ANKRD26: variants seen among roughly 807,000 people sequenced by gnomAD.
ANKRD26 encodes ankyrin repeat domain 26.
ANKRD26 carries 141 observed loss-of-function variants against 208.7 expected under a neutral mutation model. The observed-to-expected ratio is 0.68, with a 90% CI of 0.59 to 0.78. ANKRD26 has a LOEUF of 0.78. ANKRD26 is among the 30% of genes least tolerant of loss of function. The probability of loss-of-function intolerance (pLI) is 0.00; values close to 1 mark genes in which losing one functional copy is unlikely to be tolerated. For missense variants in ANKRD26, 1,889 were observed against 1,938.7 expected, an observed-to-expected ratio of 0.97 and a Z score of 0.48; for synonymous variants, 636 against 660.4, an observed-to-expected ratio of 0.96 and a Z score of 0.57.
intron 1 of ANKRD26, among the ~76,000 whole-genome samples, chr10:27,097,928 C>T (rs1195822284): frequency 6.6e-6 from 1 of 152,170 alleles, no homozygotes; most frequent in Non-Finnish European, 1.5e-5. Context: ...GCTGGGATTA[C>T]AGGCCTAAGC....
At position 27,048,857 on chromosome 10, in the gene ANKRD26, CTT is replaced by C; in HGVS notation, c.1756_1757del (p.Lys586GlufsTer5). ...ATTGCTGATGATCAGTTTCTCCACT[CTT>C]TCTTTTTTGAATTAATCCATCATCA... Reference protein sequence around the residue: ...DDDDGLIQKRKSGETDHQQFP... With the variant: ...DDDDGLIQKRXSGETDHQQFP... On this transcript the variant is annotated frameshift_variant, in exon 17 of 34. Transcript: ENST00000376087. LOFTEE classifies it high-confidence loss of function. The C allele has an allele frequency of 6.2e-7, 1 of 1,613,180 alleles. No individual in the cohort carries two copies. Among genetic ancestry groups the C allele is most frequent in the Non-Finnish European group, 8.5e-7 (1 of 1,179,678 alleles).
chr10:26,957,060 T>C, the ANKRD26 span, among the ~76,000 whole-genome samples: 1 of 152,356 alleles, frequency 6.6e-6, no homozygotes, highest in Non-Finnish European at 1.5e-5. Flanking sequence ...ACTCATTCAG[T>C]GCACTTTTGG....
At chr10:26,968,438 AT>A in the ANKRD26 span, among the ~76,000 whole-genome samples, 1 of 152,176 alleles carries the variant, frequency 6.6e-6, no homozygotes, top group East Asian at 1.9e-4. Flanking sequence ...CTCACCCTGA[AT>A]GTGCTACTTG....
In ANKRD26 at chr10:27,013,053, G is replaced by A. The variant is rs371388060; in HGVS notation, c.4782C>T (p.Ser1594=). The part of the protein sequence containing the change: ...NTKLLVEKQQ[S]RSLFTTLTTR... ...TAGTGAGAGTGGTGAACAAAGATCT[G>A]CTCTGCTGTTTTTCCACAAGAAGTT... The change falls in exon 32 of 34, where the codon AGC becomes AGT. Residue 1594 remains serine (S), a synonymous_variant. Transcript: ENST00000376087. The A allele has an allele frequency of 3.1e-6, 5 of 1,613,874 alleles. No homozygotes were observed. Among genetic ancestry groups the A allele is most frequent in the Admixed American group, 3.3e-5 (2 of 59,978 alleles).
At chr10:27,015,731 T>C (rs370263672) in intron 30 of ANKRD26, among the ~76,000 whole-genome samples, 1 of 152,350 alleles carries the variant, frequency 6.6e-6, no homozygotes, top group African/African-American at 2.4e-5. Flanking sequence ...AGTGGCCCAG[T>C]TGAAATTTCT....
At position 27,040,495 on chromosome 10, in the gene ANKRD26, C is replaced by T. The variant is rs540745271; in HGVS notation, c.2162-317G>A. Reference sequence around the variant, plus strand: ...TATACTGGGTCCAGGGAAGATTTCCCTGAGGGAGAGGTGGCTACACTGAGA... The same window carrying T: ...TATACTGGGTCCAGGGAAGATTTCCTTGAGGGAGAGGTGGCTACACTGAGA... On this transcript the variant is annotated intron_variant, in intron 20 of 33. Transcript: ENST00000376087. Among the ~76,000 whole-genome samples, 16 of 152,254 alleles carry T rather than the reference C, an allele frequency of 1.1e-4. No individual in the cohort carries two copies. The South Asian group carries it at 3.1e-3, about 30-fold the overall frequency.
chr10:27,064,483 G>GA (rs920628461), intron 11 of ANKRD26, among the ~76,000 whole-genome samples: 1 of 151,366 alleles, frequency 6.6e-6, no homozygotes, highest in African/African-American at 2.4e-5. Context: ...GATTAAGAGG[G>GA]AAAAAAAAGT....
intron 9 of ANKRD26, among the ~76,000 whole-genome samples, chr10:27,067,872 T>C (rs1325441475): frequency 3.9e-5 from 6 of 152,180 alleles, no homozygotes; most frequent in Non-Finnish European, 8.8e-5. Flanking sequence ...ATAGGCACTA[T>C]CCTGGGAAAA....
intron 32 of ANKRD26, among the ~76,000 whole-genome samples, chr10:27,010,913 A>C (rs2053080065): frequency 6.6e-6 from 1 of 152,104 alleles, no homozygotes; most frequent in Non-Finnish European, 1.5e-5. Context: ...AATAAGACAA[A>C]ACTAAGCTAA....
At position 27,004,904 on chromosome 10, in the gene ANKRD26, G is replaced by T; in HGVS notation, c.*686C>A. 1 of 346,710 alleles carries T rather than the reference G, an allele frequency of 2.9e-6. No individual in the cohort carries two copies. The highest frequency in any genetic ancestry group is 4.1e-6 in the Non-Finnish European group (1 of 246,202). 21.5% of individuals were successfully genotyped at this position (346,710 alleles called of 1,614,324 possible). On this transcript the variant is annotated 3_prime_UTR_variant, in exon 34 of 34. Transcript: ENST00000376087. ...ACTTTCTGATTGCAAGGTTTGCACT[G>T]TAGTTATGTAGAATGTCCTGACTTG...
chr10:27,067,992 G>A (rs896488730), intron 9 of ANKRD26, among the ~76,000 whole-genome samples: 12 of 152,162 alleles, frequency 7.9e-5, no homozygotes, highest in Non-Finnish European at 1.5e-4. Flanking sequence ...TTCTACAACC[G>A]AGGTGAATAA....
At chr10:27,073,052 G>A (rs2055563149) in intron 9 of ANKRD26, among the ~76,000 whole-genome samples, 1 of 152,170 alleles carries the variant, frequency 6.6e-6, no homozygotes, top group Non-Finnish European at 1.5e-5. Context: ...CAGCAGCCAG[G>A]TTCTCAGGGG....
chr10:27,052,063 A>G, intron 16 of ANKRD26: 2 of 985,400 alleles, frequency 2.0e-6, no homozygotes, highest in Non-Finnish European at 1.2e-6. Context: ...TTTTGCAGAC[A>G]TGAAAGTGGA....
chr10:27,091,290 A>G (rs1217779502), intron 4 of ANKRD26, among the ~76,000 whole-genome samples: 1 of 152,202 alleles, frequency 6.6e-6, no homozygotes, highest in Non-Finnish European at 1.5e-5. Flanking sequence ...CCCCAAGCTT[A>G]CACACTTAAC....
chr10:27,050,246 AAGAAAGAAAG>A, intron 16 of ANKRD26, among the ~76,000 whole-genome samples: 1 of 146,198 alleles, frequency 6.8e-6, no homozygotes, highest in Non-Finnish European at 1.5e-5. Context: ...AAAAAAAAAA[AAGAAAGAAAG>A]AAAGAAAAAG....
At chr10:26,985,866 T>C (rs1012445008) in intron 3 of ANKRD26, among the ~76,000 whole-genome samples, 3 of 152,158 alleles carry the variant, frequency 2.0e-5, no homozygotes, top group Admixed American at 6.5e-5. Context: ...AGGTAATTTA[T>C]AGATTCAATG....
intron 16 of ANKRD26, 112 bp from the exon 17 acceptor site, chr10:27,049,091 A>G: frequency 1.1e-6 from 1 of 912,160 alleles, no homozygotes; most frequent in African/African-American, 1.7e-5. Flanking sequence ...ACTTTAGCCA[A>G]TAAAAATATT....
Position 26,978,127 on chromosome 10 carries a change from G to C in ANKRD26, c.*282-2085C>G, listed in dbSNP as rs375933784. ...AAACCATTCTGAGCAATTAAACCTA[G>C]AATAATTTTGCAAAGGTAAACGAGC... On this transcript the variant is annotated intron_variant and NMD_transcript_variant, in intron 5 of 5. Transcript: ENST00000674670. 3.3e-5 allele frequency among the ~76,000 whole-genome samples: 5 copies of C among 152,102 alleles called. No homozygotes were observed. The East Asian group carries it at 7.7e-4, about 23-fold the overall frequency.
chr10:27,006,574 T>C (rs1178632984), intron 33 of ANKRD26, among the ~76,000 whole-genome samples: 1 of 152,162 alleles, frequency 6.6e-6, no homozygotes, highest in Non-Finnish European at 1.5e-5. Context: ...CCTTGAGAAG[T>C]TGATGATGTC....
Sources: gnomAD v4.1 joint callset for allele counts (sites outside exome capture counted in the v4.1 genomes callset) on GRCh38, gnomAD v4.1.1 for gene constraint, MANE v1.5 for transcripts, NCBI Gene and HGNC (gene_info 2026-07-23, HGNC 2026-07-21) for gene names.